AK5: variants seen among roughly 807,000 people sequenced by gnomAD.
The protein encoded by AK5 is adenylate kinase 5, also known as adenylate kinase isoenzyme 5.
A neutral mutation model predicts 69.5 loss-of-function variants in AK5; 27 were observed. That is an observed-to-expected ratio of 0.39 (90% CI 0.29 to 0.54). The LOEUF (loss-of-function observed/expected upper bound fraction) is 0.54, where lower values mean the gene tolerates loss of function less well. Ranked by LOEUF, AK5 falls within the 20% of genes least tolerant of loss-of-function variation. AK5 has a pLI of 0.71. For synonymous variants in AK5, 260 were observed against 244.4 expected (o/e 1.06, Z -0.60); for missense variants, 531 against 700.4 (o/e 0.76, Z 2.73).
intron 13 of AK5, among the ~76,000 whole-genome samples, chr1:77,548,632 A>G (rs1213844954): frequency 1.5e-4 from 23 of 152,238 alleles, no homozygotes; most frequent in Admixed American, 1.5e-3. Context: ...AATGGTTTCA[A>G]CTGTCTGGGA....
At chr1:77,461,284 C>T (rs1444870790) in intron 8 of AK5, among the ~76,000 whole-genome samples, 3 of 151,050 alleles carry the variant, frequency 2.0e-5, no homozygotes, top group East Asian at 2.0e-4. Flanking sequence ...CCACCCACCT[C>T]GACCTCCCAA....
chr1:77,493,666 T>C (rs1269892210), intron 10 of AK5, among the ~76,000 whole-genome samples: 1 of 152,164 alleles, frequency 6.6e-6, no homozygotes, highest in African/African-American at 2.4e-5. Flanking sequence ...TCCACAGTTC[T>C]TTCTCTCCTG....
In AK5 at chr1:77,282,230, G is replaced by A. The variant is rs946969412; in HGVS notation, c.-84G>A. 62 of 1,357,540 alleles carry A rather than the reference G, an allele frequency of 4.6e-5. No individual in the cohort carries two copies. The highest frequency in any genetic ancestry group is 5.9e-5 in the Non-Finnish European group (59 of 994,258). 84.1% of individuals were successfully genotyped at this position (1,357,540 alleles called of 1,614,324 possible). A position where few individuals can be genotyped will look rare whatever the true frequency, so the allele number is the denominator to read the frequency against. ...TGCACCGCTGCTCGGCGCGGACTCTGCCAGCCCCAGCTTCAGCCCCGGCTC... is the reference window on the plus strand; with the variant it reads ...TGCACCGCTGCTCGGCGCGGACTCTACCAGCCCCAGCTTCAGCCCCGGCTC... On this transcript the variant is annotated 5_prime_UTR_variant, in exon 1 of 14. Transcript: ENST00000354567.
intron 10 of AK5, among the ~76,000 whole-genome samples, chr1:77,515,415 G>A (rs1032392767): frequency 3.9e-5 from 6 of 152,204 alleles, no homozygotes; most frequent in African/African-American, 9.7e-5. Flanking sequence ...CAGGAAAACC[G>A]CAGAATGAGT....
intron 5 of AK5, among the ~76,000 whole-genome samples, chr1:77,302,809 A>G (rs907257045): frequency 7.2e-5 from 11 of 152,310 alleles, no homozygotes; most frequent in African/African-American, 2.4e-4. Flanking sequence ...AAGAGCAGTC[A>G]GTGTACACAG....
At chr1:77,539,986 G>A (rs1309531019) in intron 13 of AK5, among the ~76,000 whole-genome samples, 3 of 152,230 alleles carry the variant, frequency 2.0e-5, no homozygotes, top group East Asian at 1.9e-4. Context: ...CCACAGGGGG[G>A]GCCAACCCAT....
rs150958632 is a variant in AK5 at position 77,298,298 on chromosome 1, G to A, written c.699+351G>A. Among the ~76,000 whole-genome samples, 588 of 152,014 alleles carry A rather than the reference G, an allele frequency of 3.9e-3. 1 individual carries two copies. Among genetic ancestry groups the A allele is most frequent in the Admixed American group, 0.013 (193 of 15,280 alleles). On this transcript the variant is annotated intron_variant, in intron 5 of 13. Coordinates refer to ENST00000354567, the MANE Select transcript of AK5 (RefSeq NM_174858.3). ...GTCCAGGGATGCAAAACATTACCCT[G>A]TACTTATATTCATGCCAACTAAGGA...
chr1:77,457,317 G>A (rs891725667), intron 8 of AK5, among the ~76,000 whole-genome samples: 2 of 152,146 alleles, frequency 1.3e-5, no homozygotes, highest in African/African-American at 4.8e-5. Flanking sequence ...ACATTTTACA[G>A]TTGGTTTTTA....
intron 10 of AK5, among the ~76,000 whole-genome samples, chr1:77,502,552 A>G (rs925143266): frequency 2.0e-5 from 3 of 152,208 alleles, no homozygotes; most frequent in Admixed American, 2.0e-4. Context: ...AGTAGATAAC[A>G]TGTTTCTATG....
chr1:77,419,082 C>T (rs1302515902), intron 8 of AK5, among the ~76,000 whole-genome samples: 2 of 151,902 alleles, frequency 1.3e-5, no homozygotes, highest in Non-Finnish European at 2.9e-5. Flanking sequence ...GAGTAATTTA[C>T]CCAAGGTTAC....
chr1:77,350,621 T>A (rs1169952865), intron 6 of AK5, among the ~76,000 whole-genome samples: 1 of 152,194 alleles, frequency 6.6e-6, no homozygotes, highest in African/African-American at 2.4e-5. Flanking sequence ...CTTCTCCATA[T>A]GGCAGATCGG....
intron 7 of AK5, among the ~76,000 whole-genome samples, chr1:77,416,861 A>G (rs994246721): frequency 6.6e-6 from 1 of 152,194 alleles, no homozygotes; most frequent in African/African-American, 2.4e-5. Context: ...TATGGGCAGC[A>G]CTGAATTCAG....
intron 8 of AK5, among the ~76,000 whole-genome samples, chr1:77,476,278 T>C (rs1654931458): frequency 6.6e-6 from 1 of 152,228 alleles, no homozygotes; most frequent in African/African-American, 2.4e-5. Flanking sequence ...CCATACTTTT[T>C]TTCTTTCAAA....
chr1:77,298,213 A>C (rs1015120532), intron 5 of AK5, among the ~76,000 whole-genome samples: 2 of 151,864 alleles, frequency 1.3e-5, no homozygotes, highest in African/African-American at 2.4e-5. Context: ...TTATTTCAAA[A>C]TACTTTTCAT....
At chr1:77,345,910 A>G (rs1055970767) in intron 6 of AK5, 3 of 152,196 alleles carry the variant, frequency 2.0e-5, no homozygotes, top group Admixed American at 2.0e-4. Flanking sequence ...CAGAACTACT[A>G]CTAATAGCCT....
intron 8 of AK5, among the ~76,000 whole-genome samples, chr1:77,440,208 CTT>C (rs1412646731): frequency 6.6e-6 from 1 of 152,142 alleles, no homozygotes; most frequent in East Asian, 1.9e-4. Flanking sequence ...CTGGGAAAGA[CTT>C]TATTTCTCCC....
intron 8 of AK5, among the ~76,000 whole-genome samples, chr1:77,451,619 A>G (rs182728808): frequency 6.6e-6 from 1 of 152,368 alleles, no homozygotes; most frequent in East Asian, 1.9e-4. Context: ...TTGCACATGT[A>G]AGTACTTGGG....
chr1:77,540,803 A>G (rs976946133), intron 13 of AK5: 1 of 152,252 alleles, frequency 6.6e-6, no homozygotes, highest in Non-Finnish European at 1.5e-5. Context: ...TTGCTTTATA[A>G]AATATAGAAA....
chr1:77,460,723 AT>A (rs71588898), intron 8 of AK5, among the ~76,000 whole-genome samples: 41,630 of 149,288 alleles, frequency 0.28, 6,022 homozygotes, highest in East Asian at 0.46. Context: ...TTTATGTGGA[AT>A]TTTTTTTTTT....
Sources: allele counts gnomAD v4.1 joint callset (sites outside exome capture counted in the v4.1 genomes callset), GRCh38; gene constraint gnomAD v4.1.1; transcripts MANE v1.5; gene names NCBI Gene and HGNC (gene_info 2026-07-23, HGNC 2026-07-21).